The following FBLN1 variants were observed in gnomAD, a reference collection of about 807,000 sequenced individuals.
FBLN1 encodes fibulin-1.
Under a neutral mutation model 89.7 loss-of-function variants are expected in FBLN1, and 34 were observed. The ratio of observed to expected loss-of-function variants is 0.38; its 90% CI spans 0.29 to 0.50. FBLN1 has a LOEUF of 0.50. Ranked by LOEUF, FBLN1 falls within the 20% of genes least tolerant of loss-of-function variation. The pLI, the probability that FBLN1 is intolerant of heterozygous loss-of-function variation, is 0.92. For missense variants in FBLN1, 777 were observed against 988.1 expected (o/e 0.79, Z 2.86); for synonymous variants, 393 against 391.3 (o/e 1.00, Z -0.05).
Position 45,525,636 on chromosome 22 carries a change from G to T in FBLN1, c.279G>T (p.Thr93=), listed in dbSNP as rs765918593. 21 of 1,551,130 alleles carry T rather than the reference G, an allele frequency of 1.4e-5. No individual in the cohort carries two copies. The Admixed American group carries it at 3.7e-4, about 28-fold the overall frequency. The change falls in exon 3 of 17, where the codon ACG becomes ACT. Residue 93 remains threonine, a synonymous_variant. Transcript: ENST00000327858. ...CCAACGAGCAGGACCGCTGTGCCAC[G>T]CCCCACGGTGACAACGCCAGCCTGG... ...SLANEQDRCA[T]PHGDNASLEA...
At position 45,563,273 on chromosome 22, in the gene FBLN1, G is replaced by T. The variant is rs772123196; in HGVS notation, c.1698-11238G>T. ...TGTGTCTGCAGAGCTCTGAGCACTC[G>T]CTTCGCGTCGCGGGGTCTCCCTCCT... On this transcript the variant is annotated intron_variant, in intron 14 of 16. Transcript: ENST00000327858. The surrounding 1 kb of genome is among the most constrained non-coding windows in gnomAD (Gnocchi z 5.7). 4 of 1,613,454 alleles carry T rather than the reference G, an allele frequency of 2.5e-6. No individual in the cohort carries two copies.
Position 45,600,419 on chromosome 22 carries a change from C to T in FBLN1, c.2085C>T (p.His695=). 2 of 1,614,216 alleles carry T rather than the reference C, an allele frequency of 1.2e-6. No homozygotes were observed. The highest frequency in any genetic ancestry group is 8.5e-7 in the Non-Finnish European group (1 of 1,180,046). The part of the protein sequence containing the change: ...VVSHRNVVNV[H]IFVSEYWF ...CCCACCGAAATGTTGTCAACGTCCACATCTTCGTCTCTGAGTACTGGTTCT... is the reference window on the plus strand; with the variant it reads ...CCCACCGAAATGTTGTCAACGTCCATATCTTCGTCTCTGAGTACTGGTTCT... Residue 695 remains histidine, a synonymous_variant, in exon 17 of 17, where the codon CAC becomes CAT. Transcript: ENST00000327858.
Position 45,549,370 on chromosome 22 carries a change from G to A in FBLN1, c.1573+626G>A, listed in dbSNP as rs1483338728. Among the ~76,000 whole-genome samples, 3 of 152,240 alleles carry A rather than the reference G, an allele frequency of 2.0e-5. No individual in the cohort carries two copies. The highest frequency in any genetic ancestry group is 7.2e-5 in the African/African-American group (3 of 41,476). ...TGAGTCATGGAGGTGGGGCTGTCCAGCCAGTTCCTCGGGAGCCCCACACAG... is the reference window on the plus strand; with the variant it reads ...TGAGTCATGGAGGTGGGGCTGTCCAACCAGTTCCTCGGGAGCCCCACACAG... On this transcript the variant is annotated intron_variant, in intron 13 of 16. Transcript: ENST00000327858. The surrounding 1 kb of genome is among the most constrained non-coding windows in gnomAD (Gnocchi z 5.7).
intron 14 of FBLN1, chr22:45,565,362 C>T: frequency 1.8e-6 from 2 of 1,100,526 alleles, no homozygotes; most frequent in Non-Finnish European, 2.3e-6. Context: ...CATCCATGTG[C>T]TTGTACCCTG....
At chr22:45,570,355 G>GAAAAAAAAA (rs56383142) in intron 14 of FBLN1, among the ~76,000 whole-genome samples, 6 of 108,618 alleles carry the variant, frequency 5.5e-5, no homozygotes, top group Admixed American at 2.0e-4. Flanking sequence ...GAAAAGAAAA[G>GAAAAAAAAA]AAAAAAAAAA....
intron 4 of FBLN1, among the ~76,000 whole-genome samples, chr22:45,529,775 G>A (rs1192672631): frequency 6.6e-6 from 1 of 152,210 alleles, no homozygotes; most frequent in Non-Finnish European, 1.5e-5. Flanking sequence ...CTGAGGCAGG[G>A]AGAATCGCTT....
At chr22:45,544,465 AC>A (rs1352280191) in intron 11 of FBLN1, among the ~76,000 whole-genome samples, 1 of 152,178 alleles carries the variant, frequency 6.6e-6, no homozygotes, top group Non-Finnish European at 1.5e-5. Context: ...CCGGATGACG[AC>A]ATTCCCCAGG....
intron 3 of FBLN1, among the ~76,000 whole-genome samples, chr22:45,526,790 T>C (rs1388816699): frequency 6.6e-6 from 1 of 152,088 alleles, no homozygotes; most frequent in East Asian, 1.9e-4. Flanking sequence ...TGGGGGTGCC[T>C]GGGAACCAGG....
intron 7 of FBLN1, 43 bp downstream of exon 7, chr22:45,533,941 G>A (rs759910929): frequency 1.1e-5 from 17 of 1,611,694 alleles, no homozygotes; most frequent in Admixed American, 8.3e-5. Context: ...TCTTCCAGGC[G>A]TAGATACGGC....
intron 14 of FBLN1, among the ~76,000 whole-genome samples, chr22:45,553,389 G>C (rs901266636): frequency 8.5e-5 from 13 of 152,336 alleles, no homozygotes; most frequent in African/African-American, 2.4e-4. Context: ...GCGTGGCAGG[G>C]GGGGACGGGG....
At chr22:45,540,708 T>C (rs1050938628) in intron 8 of FBLN1, among the ~76,000 whole-genome samples, 5 of 152,146 alleles carry the variant, frequency 3.3e-5, no homozygotes, top group African/African-American at 1.2e-4. Context: ...TCATCAAAGG[T>C]AAATGCCCCA....
In FBLN1 at chr22:45,576,476, A is replaced by C. The variant is rs532205302; in HGVS notation, c.1841-501A>C. Among the ~76,000 whole-genome samples the C allele has an allele frequency of 2.0e-5, 3 of 152,000 alleles. No individual in the cohort carries two copies. The highest frequency in any genetic ancestry group is 7.2e-5 in the African/African-American group (3 of 41,472). ...AGAGAGGACTCCCCCAAGACAGCCC[A>C]GAGCTGGGGCTGCCCTGCTTCACTG... On this transcript the variant is annotated intron_variant, in intron 15 of 16. Coordinates refer to ENST00000327858, the MANE Select transcript of FBLN1 (RefSeq NM_006486.3). This position sits in a 1 kb window ranked among gnomAD's most constrained non-coding sequence, Gnocchi z 5.2.
At chr22:45,553,685 C>T (rs1420197005) in intron 14 of FBLN1, among the ~76,000 whole-genome samples, 1 of 152,212 alleles carries the variant, frequency 6.6e-6, no homozygotes, top group Non-Finnish European at 1.5e-5. Context: ...GGAGCCAGCC[C>T]AGAAACTCCT....
At position 45,533,277 on chromosome 22, in the gene FBLN1, T is replaced by TG. The variant is rs1365540887; in HGVS notation, c.646+115dup. ...CTACAACCCAGACCCCATTCAGGGG[T>TG]GGAGAGCAGCCCAGGACGCGCTTTC... On this transcript the variant is annotated intron_variant, in intron 6 of 16. Transcript: ENST00000327858. 7 of 993,158 alleles carry TG rather than the reference T, an allele frequency of 7.0e-6. No homozygotes were observed. In the African/African-American group the frequency reaches 1.1e-4, roughly 16 times the overall value. 61.5% of individuals were successfully genotyped at this position (993,158 alleles called of 1,614,324 possible).
At position 45,569,530 on chromosome 22, in the gene FBLN1, T is replaced by C. The variant is rs181349094; in HGVS notation, c.1698-4981T>C. Among the ~76,000 whole-genome samples, 4 of 152,218 alleles carry C rather than the reference T, an allele frequency of 2.6e-5. No individual in the cohort carries two copies. In the East Asian group the frequency reaches 7.7e-4, roughly 29 times the overall value. On this transcript the variant is annotated intron_variant, in intron 14 of 16. Coordinates refer to ENST00000327858, the MANE Select transcript of FBLN1 (RefSeq NM_006486.3). ...GGCATGTGCCTGTAATCTCAGCGAC[T>C]TGGGAGGCTGAGGCAGGAGAATCGC...
intron 12 of FBLN1, among the ~76,000 whole-genome samples, chr22:45,547,723 T>C (rs1400193889): frequency 6.6e-6 from 1 of 152,032 alleles, no homozygotes; most frequent in East Asian, 1.9e-4. Context: ...CTAATATACT[T>C]TTCCCATCCT....
In FBLN1 at chr22:45,542,297, C is replaced by T. The variant is rs780739117; in HGVS notation, c.1195+14C>T. 5 of 1,613,448 alleles carry T rather than the reference C, an allele frequency of 3.1e-6. No individual in the cohort carries two copies. Among genetic ancestry groups the T allele is most frequent in the African/African-American group, 1.3e-5 (1 of 74,908 alleles). ...GGATGTGTGTCGGTGCGTGGGGGGCCCCGCAGGCCTCGGGGGAACCCAGCC... is the reference window on the plus strand; with the variant it reads ...GGATGTGTGTCGGTGCGTGGGGGGCTCCGCAGGCCTCGGGGGAACCCAGCC... On this transcript the variant is annotated intron_variant, in intron 10 of 16. Coordinates refer to ENST00000327858, the MANE Select transcript of FBLN1 (RefSeq NM_006486.3).
At chr22:45,592,226 C>G (rs2089144398) in intron 16 of FBLN1, among the ~76,000 whole-genome samples, 1 of 152,232 alleles carries the variant, frequency 6.6e-6, no homozygotes, top group South Asian at 2.1e-4. Context: ...CACATAGGGT[C>G]TCTCTGTCTC....
At chr22:45,567,351 C>T (rs528918893) in intron 14 of FBLN1, among the ~76,000 whole-genome samples, 1 of 152,338 alleles carries the variant, frequency 6.6e-6, no homozygotes, top group African/African-American at 2.4e-5. Context: ...TGCGGTGGCT[C>T]ATGCCTGTAA....
Sources: gnomAD v4.1 joint callset for allele counts (sites outside exome capture counted in the v4.1 genomes callset) on GRCh38, gnomAD v4.1.1 for gene constraint, Gnocchi (gnomAD v3.1) non-coding constraint, MANE v1.5 for transcripts, NCBI Gene and HGNC (gene_info 2026-07-23, HGNC 2026-07-21) for gene names.